The following P2RX5 variants were observed in gnomAD, a reference collection of about 807,000 sequenced individuals.
The protein encoded by P2RX5 is P2X purinoceptor 5.
P2RX5 carries 46 observed loss-of-function variants against 54.1 expected under a neutral mutation model. The ratio of observed to expected loss-of-function variants is 0.85; its 90% CI spans 0.67 to 1.09. P2RX5 has a LOEUF of 1.09. Ranked by LOEUF, P2RX5 falls within the 50% of genes least tolerant of loss-of-function variation. P2RX5 has a pLI of 0.00. For synonymous variants in P2RX5, 226 were observed against 226.4 expected, an observed-to-expected ratio of 1.00 and a Z score of 0.02; for missense variants, 566 against 549.8, an observed-to-expected ratio of 1.03 and a Z score of -0.29.
chr17:3,689,654 G>T, intron 6 of P2RX5, 24 bp from the exon 7 acceptor site: 1 of 1,613,860 alleles, frequency 6.2e-7, no homozygotes, highest in South Asian at 1.1e-5. Flanking sequence ...ATGGGCAGCC[G>T]AGAAATGAAG....
At chr17:3,723,586 A>C in the P2RX5 span, 1 of 1,261,594 alleles carries the variant, frequency 7.9e-7, no homozygotes, top group East Asian at 2.5e-5. Context: ...AGCCCCCGGC[A>C]CTGGCCGGCA....
chr17:3,673,785 A>G lies in P2RX5; in HGVS notation c.*83T>C. On this transcript the variant is annotated 3_prime_UTR_variant, in exon 12 of 12. Transcript: ENST00000225328. ...ATGTACAAATTTCCCGTTGGGCAGCATCCTGGGATTCCCAAAGGCATGGGA... is the reference window on the plus strand; with the variant it reads ...ATGTACAAATTTCCCGTTGGGCAGCGTCCTGGGATTCCCAAAGGCATGGGA... The G allele has an allele frequency of 6.2e-7, 1 of 1,612,030 alleles. No homozygotes were observed. Among genetic ancestry groups the G allele is most frequent in the South Asian group, 1.1e-5 (1 of 90,966 alleles).
At chr17:3,677,249 G>A in intron 11 of P2RX5, 1 of 985,272 alleles carries the variant, frequency 1.0e-6, no homozygotes. Context: ...AGCACTTCAG[G>A]CCCAGCCTCT....
chr17:3,713,759 A>AAT, the P2RX5 span, among the ~76,000 whole-genome samples: 143 of 151,886 alleles, frequency 9.4e-4, 1 homozygote, highest in African/African-American at 3.4e-3. Context: ...TCAAAAAAAA[A>AAT]AAATAAAGTA....
chr17:3,696,077 C>T lies in P2RX5; in HGVS notation c.-72G>A, dbSNP rs1445320357. 10 of 1,504,586 alleles carry T rather than the reference C, an allele frequency of 6.6e-6. No individual in the cohort carries two copies. In the East Asian group the frequency reaches 9.9e-5, roughly 15 times the overall value. The allele number at this position is 1,504,586 out of a possible 1,614,324, so 93.2% of individuals were successfully genotyped here. On this transcript the variant is annotated 5_prime_UTR_variant, in exon 1 of 12. Coordinates refer to ENST00000225328, the MANE Select transcript of P2RX5 (RefSeq NM_002561.4). Reference sequence around the variant, plus strand: ...CATGGGGAGCACTCGGTCCCTCGGTCCCTGCGCGCCCGGCGCCCGCCTCGG... The same window carrying T: ...CATGGGGAGCACTCGGTCCCTCGGTTCCTGCGCGCCCGGCGCCCGCCTCGG...
At chr17:3,714,887 G>T in the P2RX5 span, 1 of 1,611,192 alleles carries the variant, frequency 6.2e-7, no homozygotes. Flanking sequence ...TTTCAGCTGG[G>T]CCTTCCTGAT....
chr17:3,681,886 C>T lies in P2RX5; in HGVS notation c.1064+10G>A, dbSNP rs369830885. 1.1e-5 allele frequency: 18 copies of T among 1,597,902 alleles called. No homozygotes were observed. Among genetic ancestry groups the T allele is most frequent in the Non-Finnish European group, 1.4e-5 (16 of 1,165,464 alleles). On this transcript the variant is annotated intron_variant, in intron 10 of 11. Coordinates refer to ENST00000225328, the MANE Select transcript of P2RX5 (RefSeq NM_002561.4). ...TGCCCTCGGGCCGCCGGCCTGGAAG[C>T]GGAACTGACCTCACTTCCTCGTACT...
At chr17:3,721,084 A>G in the P2RX5 span, among the ~76,000 whole-genome samples, 1 of 151,298 alleles carries the variant, frequency 6.6e-6, no homozygotes, top group African/African-American at 2.4e-5. Context: ...GCACCCCACC[A>G]CACTGGGCTA....
intron 11 of P2RX5, among the ~76,000 whole-genome samples, chr17:3,674,751 T>C (rs1465289156): frequency 2.6e-5 from 4 of 152,206 alleles, no homozygotes; most frequent in East Asian, 3.9e-4. Flanking sequence ...TGCTTCCCCC[T>C]CACCTAGTTA....
chr17:3,713,608 G>A, the P2RX5 span, among the ~76,000 whole-genome samples: 1 of 151,814 alleles, frequency 6.6e-6, no homozygotes, highest in South Asian at 2.1e-4. Context: ...AAATTAGCTG[G>A]GCGTGGTGGC....
At chr17:3,711,378 T>C in the P2RX5 span, among the ~76,000 whole-genome samples, 4 of 79,018 alleles carry the variant, frequency 5.1e-5, 1 homozygote, top group South Asian at 1.7e-3. Context: ...TTCTTTTTTT[T>C]TTTTTTTTTT....
At chr17:3,704,144 C>T in the P2RX5 span, among the ~76,000 whole-genome samples, 6 of 152,078 alleles carry the variant, frequency 3.9e-5, no homozygotes, top group African/African-American at 1.2e-4. Context: ...ACACAAAACC[C>T]AAATCCCATA....
intron 11 of P2RX5, chr17:3,675,904 C>G (rs945073471): frequency 2.0e-6 from 2 of 985,224 alleles, no homozygotes; most frequent in African/African-American, 3.5e-5. Context: ...AGGTTCCCTT[C>G]CCAGAAAACC....
Position 3,688,016 on chromosome 17 carries a change from C to G in P2RX5, c.977G>C (p.Gly326Ala). 6.5e-7 allele frequency: 1 copy of G among 1,547,280 alleles called. No individual in the cohort carries two copies. Among genetic ancestry groups the G allele is most frequent in the Non-Finnish European group, 8.8e-7 (1 of 1,134,126 alleles). ...YGIRFDVMVN[G>A]KGAFFCDLVL... The stretch of plus-strand genomic sequence containing the variant: ...AACAGGAGAAGGCACACGCACCTTG[C>G]CGTTCACCATCACGTCAAAGCGGAT... Residue 326 changes from glycine to alanine, a missense_variant, in exon 9 of 12, where the codon GGC (glycine) becomes GCC (alanine). Coordinates refer to ENST00000225328, the MANE Select transcript of P2RX5 (RefSeq NM_002561.4).
intron 10 of P2RX5, 106 bp from the exon 11 acceptor site, chr17:3,679,890 C>T (rs2050191932): frequency 3.2e-6 from 3 of 939,234 alleles, no homozygotes; most frequent in Admixed American, 3.9e-5. Context: ...AGGCCGCCAC[C>T]CTGCTTCCTC....
At chr17:3,679,444 C>T (rs1597697202) in intron 11 of P2RX5, 146 bp downstream of exon 11, 1 of 719,662 alleles carries the variant, frequency 1.4e-6, no homozygotes, top group Non-Finnish European at 2.4e-6. Context: ...CACAGAGGCT[C>T]TCCCAGTTCC....
chr17:3,710,843 G>A, the P2RX5 span, among the ~76,000 whole-genome samples: 1 of 152,046 alleles, frequency 6.6e-6, no homozygotes, highest in Non-Finnish European at 1.5e-5. Flanking sequence ...CATGAGAATC[G>A]ATTGAACCCA....
chr17:3,704,039 T>C, the P2RX5 span, among the ~76,000 whole-genome samples: 2 of 151,308 alleles, frequency 1.3e-5, no homozygotes, highest in African/African-American at 4.9e-5. Flanking sequence ...GAGGCAGAGG[T>C]TGTGGTGAGC....
Position 3,673,625 on chromosome 17 carries a change from A to G in P2RX5, c.*243T>C. ...TAGTGCGGGAAGCCAGCCACGGAGA[A>G]AGGAAGAACTGACGGCAGGGGGTGG... is the stretch of plus-strand genomic sequence containing the variant. On this transcript the variant is annotated 3_prime_UTR_variant, in exon 12 of 12. Transcript: ENST00000225328. 7.0e-7 allele frequency: 1 copy of G among 1,425,592 alleles called. No homozygotes were observed. The allele number at this position is 1,425,592 out of a possible 1,614,324, so 88.3% of individuals were successfully genotyped here.
Sources: gnomAD v4.1 joint callset for allele counts (sites outside exome capture counted in the v4.1 genomes callset) on GRCh38, gnomAD v4.1.1 for gene constraint, MANE v1.5 for transcripts, NCBI Gene and HGNC (gene_info 2026-07-23, HGNC 2026-07-21) for gene names.